GPHN: variants seen among roughly 807,000 people sequenced by gnomAD.
GPHN encodes the protein gephyrin.
GPHN carries 17 observed loss-of-function variants against 95.5 expected under a neutral mutation model. The ratio of observed to expected loss-of-function variants is 0.18; its 90% CI spans 0.12 to 0.27. The LOEUF is 0.27. GPHN is among the 10% of genes least tolerant of loss of function. GPHN has a pLI of 1.00. For missense variants in GPHN, 660 were observed against 978.1 expected (o/e 0.67, Z 4.34); for synonymous variants, 320 against 322.5 (o/e 0.99, Z 0.08).
chr14:66,543,016 A>G (rs2059409901), intron 1 of GPHN, among the ~76,000 whole-genome samples: 1 of 152,204 alleles, frequency 6.6e-6, no homozygotes, highest in African/African-American at 2.4e-5. Flanking sequence ...CACATTTTAC[A>G]TGGCCAGAGC....
intron 5 of GPHN, among the ~76,000 whole-genome samples, chr14:66,883,582 T>G (rs1324167965): frequency 6.6e-6 from 1 of 152,084 alleles, no homozygotes; most frequent in African/African-American, 2.4e-5. Context: ...TTTTGGATTG[T>G]ATCCTGGACA....
intron 17 of GPHN, among the ~76,000 whole-genome samples, chr14:67,139,236 G>C (rs908090942): frequency 6.6e-6 from 1 of 151,566 alleles, no homozygotes; most frequent in African/African-American, 2.4e-5. Context: ...AAAAAAAAGA[G>C]AGAGAGAGAC....
At chr14:67,545,008 A>T in the GPHN span, among the ~76,000 whole-genome samples, 1 of 152,250 alleles carries the variant, frequency 6.6e-6, no homozygotes, top group Non-Finnish European at 1.5e-5. Flanking sequence ...TAAAAATCAC[A>T]GTTTGGTTAG....
chr14:66,712,825 G>T (rs1279889640), intron 2 of GPHN, among the ~76,000 whole-genome samples: 1 of 151,968 alleles, frequency 6.6e-6, no homozygotes, highest in Non-Finnish European at 1.5e-5. Flanking sequence ...TTGGTTTTTT[G>T]ATTATGGCCA....
chr14:66,928,091 G>A (rs1327755325), intron 8 of GPHN, among the ~76,000 whole-genome samples: 1 of 152,108 alleles, frequency 6.6e-6, no homozygotes, highest in Non-Finnish European at 1.5e-5. Context: ...CTATTTTTCA[G>A]AATAGTTTGA....
chr14:67,505,293 G>A, the GPHN span, among the ~76,000 whole-genome samples: 2 of 152,154 alleles, frequency 1.3e-5, no homozygotes, highest in Non-Finnish European at 2.9e-5. Context: ...TGTCCCCATA[G>A]AAAACTGGCC....
At chr14:67,389,856 G>C in the GPHN span, among the ~76,000 whole-genome samples, 2 of 151,770 alleles carry the variant, frequency 1.3e-5, no homozygotes, top group African/African-American at 4.8e-5. Flanking sequence ...AGAAAGGAAG[G>C]AGTTTGAACT....
chr14:67,202,785 T>C, the GPHN span, among the ~76,000 whole-genome samples: 1 of 152,234 alleles, frequency 6.6e-6, no homozygotes, highest in Non-Finnish European at 1.5e-5. Context: ...CACTCTAAGC[T>C]AAGTCAAGTC....
the GPHN span, among the ~76,000 whole-genome samples, chr14:67,530,265 C>A: frequency 2.0e-4 from 30 of 152,284 alleles, no homozygotes; most frequent in Admixed American, 1.1e-3. Flanking sequence ...TTTCAACAAC[C>A]CTAAGAGGCC....
chr14:67,547,732 C>T, the GPHN span, among the ~76,000 whole-genome samples: 23 of 152,314 alleles, frequency 1.5e-4, no homozygotes, highest in East Asian at 4.4e-3. Context: ...GGAAGAATGC[C>T]CTTCTTCCTA....
At chr14:66,596,483 GC>G (rs1166486648) in intron 1 of GPHN, among the ~76,000 whole-genome samples, 1 of 152,122 alleles carries the variant, frequency 6.6e-6, no homozygotes, top group East Asian at 1.9e-4. Context: ...GCCACTCTTA[GC>G]CCCCTGTCAG....
Position 66,724,418 on chromosome 14 carries a change from C to T in GPHN, c.143+43233C>T, listed in dbSNP as rs1358135805. ...TCTCCAAACTCTGTCTGAGAAAATACAATACCCAATCTATTTCCAATTAGC... is the reference window on the plus strand; with the variant it reads ...TCTCCAAACTCTGTCTGAGAAAATATAATACCCAATCTATTTCCAATTAGC... On this transcript the variant is annotated intron_variant, in intron 2 of 22. Coordinates refer to ENST00000478722, the MANE Select transcript of GPHN (RefSeq NM_020806.5). Among the ~76,000 whole-genome samples, 3 of 152,132 alleles carry T rather than the reference C, an allele frequency of 2.0e-5. 1 individual carries two copies. Among genetic ancestry groups the T allele is most frequent in the East Asian group, 1.9e-4 (1 of 5,202 alleles).
At chr14:66,746,007 A>C (rs2058135485) in intron 2 of GPHN, among the ~76,000 whole-genome samples, 1 of 152,094 alleles carries the variant, frequency 6.6e-6, no homozygotes, top group African/African-American at 2.4e-5. Context: ...TGTGTATGTC[A>C]ATAATTTATT....
chr14:67,295,776 A>G, the GPHN span, among the ~76,000 whole-genome samples: 3 of 152,246 alleles, frequency 2.0e-5, no homozygotes, highest in African/African-American at 7.2e-5. Context: ...ATAAATTGAT[A>G]CTACCACTTT....
the GPHN span, among the ~76,000 whole-genome samples, chr14:67,470,003 G>C: frequency 6.6e-6 from 1 of 152,220 alleles, no homozygotes; most frequent in Non-Finnish European, 1.5e-5. Context: ...CTGCCTGGGA[G>C]CGTGGCACCA....
the GPHN span, among the ~76,000 whole-genome samples, chr14:67,261,768 GT>G: frequency 0.15 from 23,465 of 151,526 alleles, 3,428 homozygotes; most frequent in East Asian, 0.42. Flanking sequence ...GGTAAACTGA[GT>G]TTTTTTTAGG....
At chr14:67,316,499 G>A in the GPHN span, among the ~76,000 whole-genome samples, 1 of 152,212 alleles carries the variant, frequency 6.6e-6, no homozygotes, top group African/African-American at 2.4e-5. Flanking sequence ...TAATTCTAAA[G>A]GACCTAGAAC....
At chr14:66,854,318 A>G (rs577056349) in intron 4 of GPHN, among the ~76,000 whole-genome samples, 1 of 152,318 alleles carries the variant, frequency 6.6e-6, no homozygotes, top group South Asian at 2.1e-4. Flanking sequence ...CAAATAATGG[A>G]AAAATGGGAA....
chr14:67,530,167 C>G, the GPHN span, among the ~76,000 whole-genome samples: 1 of 152,166 alleles, frequency 6.6e-6, no homozygotes, highest in Non-Finnish European at 1.5e-5. Context: ...TAAACTCCAG[C>G]CAATATTTGT....
Sources: gnomAD v4.1 joint callset for allele counts (sites outside exome capture counted in the v4.1 genomes callset) on GRCh38, gnomAD v4.1.1 for gene constraint, MANE v1.5 for transcripts, NCBI Gene and HGNC (gene_info 2026-07-23, HGNC 2026-07-21) for gene names.